The following LONP2 variants were observed in gnomAD, a reference collection of about 807,000 sequenced individuals.
LONP2 encodes the protein lon peptidase 2, peroxisomal.
Under a neutral mutation model 85.6 loss-of-function variants are expected in LONP2, and 60 were observed. The observed-to-expected ratio is 0.70, with a 90% CI of 0.57 to 0.87. The LOEUF (loss-of-function observed/expected upper bound fraction) is 0.87. Ranked by LOEUF, LONP2 falls within the 40% of genes least tolerant of loss-of-function variation. LONP2 has a pLI of 0.00. For synonymous variants in LONP2, 395 were observed against 389.7 expected (o/e 1.01, Z -0.16); for missense variants, 860 against 1,063.5 (o/e 0.81, Z 2.66).
chr16:48,359,827 T>G (rs1210060177), downstream of LONP2, among the ~76,000 whole-genome samples: 1 of 152,168 alleles, frequency 6.6e-6, no homozygotes, highest in Admixed American at 6.5e-5. Flanking sequence ...TAAACTCTTA[T>G]CCAAAATTAT....
intron 7 of LONP2, among the ~76,000 whole-genome samples, chr16:48,275,878 G>T (rs546833290): frequency 1.3e-5 from 2 of 152,198 alleles, no homozygotes; most frequent in South Asian, 4.1e-4. Context: ...AATTTTTTTA[G>T]AAAGGGTGCC....
chr16:48,351,873 C>T lies in LONP2; in HGVS notation c.*71C>T. The T allele has an allele frequency of 8.0e-7, 1 of 1,249,304 alleles. No homozygotes were observed. The highest frequency in any genetic ancestry group is 1.2e-6 in the Non-Finnish European group (1 of 864,208). 77.4% of individuals were successfully genotyped at this position (1,249,304 alleles called of 1,614,324 possible). A position where few individuals can be genotyped will look rare whatever the true frequency, so the allele number is the denominator to read the frequency against. On this transcript the variant is annotated 3_prime_UTR_variant, in exon 15 of 15. Coordinates refer to ENST00000285737, the MANE Select transcript of LONP2 (RefSeq NM_031490.5). ...AGGTACTGACACAGTTGATTTTATT[C>T]ACACCATTAGGGGTATGCAAGATGT...
rs1264464139 is a variant in LONP2 at position 48,355,860 on chromosome 16, TAG to T, written c.*4060_*4061del. 7 of 152,244 alleles carry T rather than the reference TAG, an allele frequency of 4.6e-5. No individual in the cohort carries two copies. The highest frequency in any genetic ancestry group is 1.4e-4 in the African/African-American group (6 of 41,464). The allele number at this position is 152,244 out of a possible 1,614,324, so 9.4% of individuals were successfully genotyped here. On this transcript the variant is annotated 3_prime_UTR_variant, in exon 15 of 15. Coordinates refer to ENST00000285737, the MANE Select transcript of LONP2 (RefSeq NM_031490.5). Reference sequence around the variant, plus strand: ...TAACTCTAGAAATTTTAGTTTAAACTAGACTTAGGGATATGTGTATTTTACCG... The same window carrying T: ...TAACTCTAGAAATTTTAGTTTAAACTACTTAGGGATATGTGTATTTTACCG...
At chr16:48,269,038 G>A (rs1320285022) in intron 6 of LONP2, among the ~76,000 whole-genome samples, 1 of 152,014 alleles carries the variant, frequency 6.6e-6, no homozygotes, top group Non-Finnish European at 1.5e-5. Context: ...AATTCATTTT[G>A]GCTTCTGTTA....
intron 12 of LONP2, among the ~76,000 whole-genome samples, chr16:48,340,377 A>G (rs750805016): frequency 1.3e-5 from 2 of 152,114 alleles, no homozygotes; most frequent in Non-Finnish European, 2.9e-5. Flanking sequence ...TGCAACTACC[A>G]TACTCCCTAA....
intron 12 of LONP2, among the ~76,000 whole-genome samples, chr16:48,337,664 G>T (rs1959692886): frequency 6.6e-6 from 1 of 152,180 alleles, no homozygotes; most frequent in Non-Finnish European, 1.5e-5. Context: ...CCTGAGCAGG[G>T]CGTCTGTTCT....
intron 8 of LONP2, among the ~76,000 whole-genome samples, chr16:48,294,193 G>C (rs561979489): frequency 1.3e-5 from 2 of 151,880 alleles, no homozygotes; most frequent in African/African-American, 2.4e-5. Context: ...TGCCTGCTTC[G>C]GCCTCCCAAA....
intron 3 of LONP2, 132 bp from the exon 4 acceptor site, chr16:48,258,486 A>T: frequency 1.4e-6 from 1 of 707,290 alleles, no homozygotes; most frequent in Non-Finnish European, 2.1e-6. Flanking sequence ...TGGTTGTCTT[A>T]GCCATAGTGT....
intron 9 of LONP2, 94 bp from the exon 10 acceptor site, chr16:48,299,568 C>G (rs1972756785): frequency 7.4e-7 from 1 of 1,359,016 alleles, no homozygotes; most frequent in South Asian, 1.4e-5. Flanking sequence ...GGCGACAGAG[C>G]AAGACTCTGT....
At chr16:48,282,280 G>T (rs1369259987) in intron 8 of LONP2, among the ~76,000 whole-genome samples, 2 of 151,874 alleles carry the variant, frequency 1.3e-5, no homozygotes, top group Non-Finnish European at 2.9e-5. Context: ...GCATGGTCGT[G>T]CATGCCTGTA....
intron 11 of LONP2, among the ~76,000 whole-genome samples, chr16:48,314,821 G>A (rs1973108569): frequency 6.6e-6 from 1 of 152,058 alleles, no homozygotes; most frequent in Non-Finnish European, 1.5e-5. Flanking sequence ...TTTGTTGGTA[G>A]TGTATGACAA....
intron 8 of LONP2, among the ~76,000 whole-genome samples, chr16:48,285,297 C>T (rs981365978): frequency 2.6e-5 from 4 of 152,004 alleles, no homozygotes; most frequent in Non-Finnish European, 5.9e-5. Flanking sequence ...TCATTTCTGA[C>T]AGATTGACTG....
At position 48,244,387 on chromosome 16, in the gene LONP2, G is replaced by A; in HGVS notation, c.-2G>A. The A allele has an allele frequency of 6.5e-7, 1 of 1,540,340 alleles. No homozygotes were observed. The highest frequency in any genetic ancestry group is 1.4e-5 in the African/African-American group (1 of 70,806). On this transcript the variant is annotated 5_prime_UTR_variant, in exon 1 of 15. Coordinates refer to ENST00000285737, the MANE Select transcript of LONP2 (RefSeq NM_031490.5). ...CAGCCCCCAGTGCGAAAGGCTGCCAGCATGTCATCAGTGAGCCCCATCCAG... is the reference window on the plus strand; with the variant it reads ...CAGCCCCCAGTGCGAAAGGCTGCCAACATGTCATCAGTGAGCCCCATCCAG...
At chr16:48,307,056 G>T (rs1972925483) in intron 11 of LONP2, among the ~76,000 whole-genome samples, 1 of 152,264 alleles carries the variant, frequency 6.6e-6, no homozygotes, top group African/African-American at 2.4e-5. Context: ...TCTGGAATAG[G>T]CCCAGAAGCA....
At chr16:48,314,124 A>G (rs543384114) in intron 11 of LONP2, among the ~76,000 whole-genome samples, 4 of 148,602 alleles carry the variant, frequency 2.7e-5, no homozygotes, top group East Asian at 2.0e-4. Flanking sequence ...GTGTCTGTTC[A>G]TGTCCCTTGC....
At chr16:48,308,364 C>T (rs1417667740) in intron 11 of LONP2, among the ~76,000 whole-genome samples, 1 of 152,102 alleles carries the variant, frequency 6.6e-6, no homozygotes, top group Non-Finnish European at 1.5e-5. Context: ...AGGTGGCTCA[C>T]ACCTGTAATC....
At position 48,348,228 on chromosome 16, in the gene LONP2, C is replaced by T. The variant is rs754630302; in HGVS notation, c.2275C>T (p.Arg759Trp). ...VTCLASLFSG[R>W]LVRSDVAMTG... Reference sequence around the variant, plus strand: ...CTGTCTCGCCTCACTTTTTAGTGGGCGGCTGGTACGTTCAGATGTAGCCAT... The same window carrying T: ...CTGTCTCGCCTCACTTTTTAGTGGGTGGCTGGTACGTTCAGATGTAGCCAT... The change falls in exon 14 of 15, where the codon CGG (arginine) becomes TGG (tryptophan). Residue 759 changes from arginine (R) to tryptophan (W), a missense_variant. Physicochemically the swap from Arg to Trp is moderately radical, Grantham distance 101. Around this residue, in one of 3 missense-constraint regions of LONP2, gnomAD observed 115 missense variants for 129.0 expected, o/e 0.89. Transcript: ENST00000285737. 19 of 1,611,314 alleles carry T rather than the reference C, an allele frequency of 1.2e-5. No homozygotes were observed. Among genetic ancestry groups the T allele is most frequent in the African/African-American group, 1.1e-4 (8 of 74,734 alleles).
intron 11 of LONP2, among the ~76,000 whole-genome samples, chr16:48,326,833 A>G (rs1415640334): frequency 6.6e-6 from 1 of 152,166 alleles, no homozygotes; most frequent in Non-Finnish European, 1.5e-5. Context: ...CTCTTCCCAC[A>G]GCAGTTCTTT....
In LONP2 at chr16:48,352,700, C is replaced by T. The variant is rs942826175; in HGVS notation, c.*898C>T. On this transcript the variant is annotated 3_prime_UTR_variant, in exon 15 of 15. Transcript: ENST00000285737. Reference sequence around the variant, plus strand: ...ATCCCAATAGAAGCCCCTTCTTATGCTGAGGGAAGCAGCCCTCAGAACATG... The same window carrying T: ...ATCCCAATAGAAGCCCCTTCTTATGTTGAGGGAAGCAGCCCTCAGAACATG... 1 of 152,202 alleles carries T rather than the reference C, an allele frequency of 6.6e-6. No individual in the cohort carries two copies. The highest frequency in any genetic ancestry group is 2.4e-5 in the African/African-American group (1 of 41,434). The allele number at this position is 152,202 out of a possible 1,614,324, so 9.4% of individuals were successfully genotyped here. A position where few individuals can be genotyped will look rare whatever the true frequency, so the allele number is the denominator to read the frequency against.
Sources: gnomAD v4.1 joint callset for allele counts (sites outside exome capture counted in the v4.1 genomes callset) on GRCh38, gnomAD v4.1.1 for gene constraint, gnomAD v4.1.1 regional missense constraint, MANE v1.5 for transcripts, NCBI Gene and HGNC (gene_info 2026-07-23, HGNC 2026-07-21) for gene names.